CSMD1: variants seen among roughly 807,000 people sequenced by gnomAD.
CSMD1 encodes CUB and Sushi multiple domains 1, also known as CUB and sushi domain-containing protein 1.
A neutral mutation model predicts 417.5 loss-of-function variants in CSMD1; 213 were observed. The ratio of observed to expected loss-of-function variants is 0.51; its 90% CI spans 0.46 to 0.57. CSMD1 has a LOEUF of 0.57. Ranked by LOEUF, CSMD1 falls within the 20% of genes least tolerant of loss-of-function variation. The probability of loss-of-function intolerance (pLI) is 0.00; values close to 1 mark genes in which losing one functional copy is unlikely to be tolerated. For synonymous variants in CSMD1, 2,862 were observed against 1,736.8 expected (o/e 1.65, Z -16.11); for missense variants, 6,923 against 4,529.7 (o/e 1.53, Z -15.17).
rs78147972 is a variant in CSMD1, at chr8:4,365,608, C to A, written c.415+54345G>T. ...AGATACTCTGGTTTCTGTCTTTGTA[C>A]TTGATTTGTTTACTCTGAACACTAA... On this transcript the variant is annotated intron_variant, in intron 3 of 69. Coordinates refer to ENST00000635120, the MANE Select transcript of CSMD1 (RefSeq NM_033225.6). Among the ~76,000 whole-genome samples, 219 of 152,256 alleles carry A rather than the reference C, an allele frequency of 1.4e-3. 2 individuals carry two copies. In the East Asian group the frequency reaches 0.04, roughly 28 times the overall value.
At chr8:4,718,203 C>A (rs1808813080) in intron 1 of CSMD1, among the ~76,000 whole-genome samples, 1 of 152,132 alleles carries the variant, frequency 6.6e-6, no homozygotes, top group South Asian at 2.1e-4. Flanking sequence ...TCTCAAACTC[C>A]TGGGCTTAAG....
chr8:2,978,581 T>C, intron 55 of CSMD1, 31 bp downstream of exon 55: 1 of 1,544,146 alleles, frequency 6.5e-7, no homozygotes, highest in South Asian at 1.2e-5. Context: ...CAGGGGTCTC[T>C]GCACAGAAAT....
chr8:4,559,349 C>G (rs933253756), intron 2 of CSMD1, among the ~76,000 whole-genome samples: 3 of 152,080 alleles, frequency 2.0e-5, no homozygotes, highest in African/African-American at 7.2e-5. Context: ...TGTTTCCACT[C>G]TCTGGTTATG....
intron 6 of CSMD1, among the ~76,000 whole-genome samples, chr8:3,750,777 G>A (rs140225335): frequency 1.3e-5 from 2 of 152,126 alleles, no homozygotes; most frequent in South Asian, 2.1e-4. Flanking sequence ...ACTCTGAGAA[G>A]GGCCCATCTC....
intron 5 of CSMD1, among the ~76,000 whole-genome samples, chr8:3,895,968 T>G (rs1807331298): frequency 1.3e-5 from 2 of 152,214 alleles, no homozygotes; most frequent in South Asian, 4.1e-4. Context: ...AAGATAGTCC[T>G]GTTAACCTCC....
At chr8:4,664,988 CT>C (rs1563096438) in intron 1 of CSMD1, among the ~76,000 whole-genome samples, 1 of 152,110 alleles carries the variant, frequency 6.6e-6, no homozygotes, top group Non-Finnish European at 1.5e-5. Flanking sequence ...AAAATAATAT[CT>C]CATCGTGTTC....
chr8:4,326,415 G>A (rs757325193), intron 3 of CSMD1, among the ~76,000 whole-genome samples: 2 of 152,092 alleles, frequency 1.3e-5, no homozygotes, highest in East Asian at 1.9e-4. Context: ...AAAAAGATGG[G>A]AAAACCAATT....
chr8:4,474,093 C>T lies in CSMD1; in HGVS notation c.303-54028G>A, dbSNP rs75597894. Reference sequence around the variant, plus strand: ...ATAATGTATGCAATTACAATCTAAACGAACATACACAAAAAGAAACTAGAG... The same window carrying T: ...ATAATGTATGCAATTACAATCTAAATGAACATACACAAAAAGAAACTAGAG... On this transcript the variant is annotated intron_variant, in intron 2 of 69. Transcript: ENST00000635120. Among the ~76,000 whole-genome samples the T allele has an allele frequency of 9.0e-3, 1,376 of 152,062 alleles. 46 individuals are homozygous for T. The highest frequency in any genetic ancestry group is 0.064 in the Admixed American group (983 of 15,268).
chr8:4,923,281 C>T (rs1359391313), intron 1 of CSMD1, among the ~76,000 whole-genome samples: 2 of 152,170 alleles, frequency 1.3e-5, no homozygotes, highest in Admixed American at 6.6e-5. Context: ...CTCACTCATG[C>T]CTCATCCTCA....
chr8:4,180,894 T>A (rs901078724), intron 3 of CSMD1, among the ~76,000 whole-genome samples: 1 of 152,174 alleles, frequency 6.6e-6, no homozygotes, highest in African/African-American at 2.4e-5. Flanking sequence ...TACTGTGCAT[T>A]GGTATATTTA....
At chr8:3,719,996 G>C (rs1439748198) in intron 6 of CSMD1, among the ~76,000 whole-genome samples, 1 of 152,164 alleles carries the variant, frequency 6.6e-6, no homozygotes, top group Non-Finnish European at 1.5e-5. Flanking sequence ...AAGATTACAT[G>C]ACATGGCAAA....
At chr8:4,751,561 A>T (rs1200408187) in intron 1 of CSMD1, among the ~76,000 whole-genome samples, 1 of 152,188 alleles carries the variant, frequency 6.6e-6, no homozygotes, top group Non-Finnish European at 1.5e-5. Flanking sequence ...TTATGATCCT[A>T]ATAGCTTAAT....
chr8:4,609,314 T>A lies in CSMD1; in HGVS notation c.302+28028A>T, dbSNP rs181239166. 8.5e-5 allele frequency among the ~76,000 whole-genome samples: 13 copies of A among 152,210 alleles called. No homozygotes were observed. In the East Asian group the frequency reaches 2.5e-3, roughly 29 times the overall value. On this transcript the variant is annotated intron_variant, in intron 2 of 69. Coordinates refer to ENST00000635120, the MANE Select transcript of CSMD1 (RefSeq NM_033225.6). ...TACTCAGGAGGCTGAGGTGGGAGGA[T>A]TGCTGGAGCCTGGGAGGCAGAGGTT...
At chr8:3,969,274 C>T (rs1029507527) in intron 5 of CSMD1, among the ~76,000 whole-genome samples, 22 of 152,102 alleles carry the variant, frequency 1.4e-4, no homozygotes, top group African/African-American at 4.8e-4. Flanking sequence ...AAAAGAGTGG[C>T]TGTAGCTGCA....
intron 2 of CSMD1, among the ~76,000 whole-genome samples, chr8:4,460,963 T>C (rs965044310): frequency 6.6e-6 from 1 of 152,070 alleles, no homozygotes; most frequent in African/African-American, 2.4e-5. Context: ...TAGTTATAGA[T>C]AGAAACTACA....
In CSMD1 at chr8:4,968,522, T is replaced by C. The variant is rs62489451; in HGVS notation, c.85+25810A>G. On this transcript the variant is annotated intron_variant, in intron 1 of 69. Transcript: ENST00000635120. ...CAAAATGCAAAAACTAATTTCCACC[T>C]GCACTACTAAAAACCAATTAATATT... Among the ~76,000 whole-genome samples the C allele has an allele frequency of 4.9e-3, 748 of 152,234 alleles. 3 individuals are homozygous for C. Among genetic ancestry groups the C allele is most frequent in the Middle Eastern group, 0.014 (4 of 294 alleles).
intron 2 of CSMD1, among the ~76,000 whole-genome samples, chr8:4,426,666 ATTT>A (rs1256065966): frequency 6.8e-6 from 1 of 146,992 alleles, no homozygotes; most frequent in Non-Finnish European, 1.5e-5. Flanking sequence ...TTATAGTAAT[ATTT>A]TATTATATAA....
intron 3 of CSMD1, among the ~76,000 whole-genome samples, chr8:4,105,792 A>C (rs1010237417): frequency 6.6e-6 from 1 of 152,222 alleles, no homozygotes; most frequent in African/African-American, 2.4e-5. Flanking sequence ...ACAGCGTTGA[A>C]AAGTGTCCTT....
At chr8:3,473,292 G>T (rs977684989) in intron 11 of CSMD1, among the ~76,000 whole-genome samples, 2 of 152,038 alleles carry the variant, frequency 1.3e-5, no homozygotes, top group Non-Finnish European at 1.5e-5. Flanking sequence ...GTCAAATCAG[G>T]TTTATGTTTA....
Sources: gnomAD v4.1 joint callset for allele counts (sites outside exome capture counted in the v4.1 genomes callset) on GRCh38, gnomAD v4.1.1 for gene constraint, MANE v1.5 for transcripts, NCBI Gene and HGNC (gene_info 2026-07-23, HGNC 2026-07-21) for gene names.